Variants in GTF2B observed in about 807,000 individuals in gnomAD.
The protein encoded by GTF2B is transcription initiation factor IIB.
GTF2B carries 20 observed loss-of-function variants against 34.6 expected under a neutral mutation model. The ratio of observed to expected loss-of-function variants is 0.58; its 90% CI spans 0.41 to 0.84. The LOEUF (loss-of-function observed/expected upper bound fraction) is 0.84, where lower values mean the gene tolerates loss of function less well. Among genes scored for constraint, GTF2B ranks in the 40% least tolerant of loss-of-function variants. The pLI, the probability that GTF2B is intolerant of heterozygous loss-of-function variation, is 0.00. For missense variants in GTF2B, 237 were observed against 393.3 expected, an observed-to-expected ratio of 0.60 and a Z score of 3.36; for synonymous variants, 142 against 132.4, an observed-to-expected ratio of 1.07 and a Z score of -0.50.
chr1:88,878,087 A>G (rs1673854458), intron 2 of GTF2B, among the ~76,000 whole-genome samples: 1 of 152,158 alleles, frequency 6.6e-6, no homozygotes, highest in African/African-American at 2.4e-5. Flanking sequence ...TGGGCAACAC[A>G]GCTAAACCTC....
chr1:88,877,298 T>C (rs1314519676), intron 2 of GTF2B, among the ~76,000 whole-genome samples: 1 of 152,232 alleles, frequency 6.6e-6, no homozygotes, highest in Non-Finnish European at 1.5e-5. Flanking sequence ...GTATTTTCCT[T>C]ACGTTGCTTT....
intron 6 of GTF2B, among the ~76,000 whole-genome samples, 180 bp from the exon 7 acceptor site, chr1:88,853,526 C>T (rs772058345): frequency 5.9e-5 from 9 of 152,264 alleles, no homozygotes; most frequent in Middle Eastern, 3.4e-3. Context: ...GGAGCTAGGC[C>T]GGGCGCAGTG....
intron 1 of GTF2B, among the ~76,000 whole-genome samples, chr1:88,890,988 T>C (rs965301551): frequency 1.3e-5 from 2 of 151,958 alleles, no homozygotes; most frequent in Non-Finnish European, 2.9e-5. Context: ...TCCATCTGGC[T>C]TACCAATGCT....
At chr1:88,877,777 CA>C (rs1199854544) in intron 2 of GTF2B, among the ~76,000 whole-genome samples, 1 of 152,060 alleles carries the variant, frequency 6.6e-6, no homozygotes, top group Non-Finnish European at 1.5e-5. Flanking sequence ...ACTAAAAATA[CA>C]AAAATTAGTT....
Position 88,891,545 on chromosome 1 carries a change from C to T in GTF2B, c.-46G>A, listed in dbSNP as rs753208400. On this transcript the variant is annotated 5_prime_UTR_variant, in exon 1 of 7. Coordinates refer to ENST00000370500, the MANE Select transcript of GTF2B (RefSeq NM_001514.6). ...CCGCAACAAGACACAACAGACACACCGAAAGCAGGAAGCGAATGTGGCGAA... is the reference window on the plus strand; with the variant it reads ...CCGCAACAAGACACAACAGACACACTGAAAGCAGGAAGCGAATGTGGCGAA... 5 of 1,571,580 alleles carry T rather than the reference C, an allele frequency of 3.2e-6. No homozygotes were observed. The South Asian group carries it at 3.4e-5, about 11-fold the overall frequency.
rs1673634256 is a variant in GTF2B, at chr1:88,869,323, C to T, written c.125-5209G>A. On this transcript the variant is annotated intron_variant, in intron 2 of 6. Coordinates refer to ENST00000370500, the MANE Select transcript of GTF2B (RefSeq NM_001514.6). Reference sequence around the variant, plus strand: ...CAAGGGAGGTCCTGGAACCAGTCCCCCACAGATACTGAGGGATGGAGTGAG... The same window carrying T: ...CAAGGGAGGTCCTGGAACCAGTCCCTCACAGATACTGAGGGATGGAGTGAG... Among the ~76,000 whole-genome samples the T allele has an allele frequency of 3.9e-5, 6 of 152,090 alleles. No individual in the cohort carries two copies. The South Asian group carries it at 1.2e-3, about 32-fold the overall frequency.
chr1:88,857,391 G>A lies in GTF2B; in HGVS notation c.632C>T (p.Thr211Ile), dbSNP rs1433340792. The change falls in exon 6 of 7, where the codon ACT becomes ATT. Residue 211 changes from threonine to isoleucine, a missense_variant. By Grantham distance (89) the Thr-to-Ile change is moderately conservative. Transcript: ENST00000370500. ...ALETSVDLIT[T>I]GDFMSRFCSN... ...ACAGAACCTGGACATGAAGTCCCCAGTTGTAATCAAATCCACACTGGTTTC... is the reference window on the plus strand; with the variant it reads ...ACAGAACCTGGACATGAAGTCCCCAATTGTAATCAAATCCACACTGGTTTC... 6.2e-7 allele frequency: 1 copy of A among 1,611,726 alleles called. No individual in the cohort carries two copies. Among genetic ancestry groups the A allele is most frequent in the Non-Finnish European group, 8.5e-7 (1 of 1,177,942 alleles).
In GTF2B at chr1:88,852,913, T is replaced by G. The variant is rs934702536; in HGVS notation, c.*300A>C. 2 of 307,694 alleles carry G rather than the reference T, an allele frequency of 6.5e-6. No homozygotes were observed. Among genetic ancestry groups the G allele is most frequent in the Non-Finnish European group, 1.2e-5 (2 of 163,514 alleles). 19.1% of individuals were successfully genotyped at this position (307,694 alleles called of 1,614,324 possible). ...TTGTAATTATGTATCATAAGTTACA[T>G]GTAACATATAACAAAAACTTGAGTT... On this transcript the variant is annotated 3_prime_UTR_variant, in exon 7 of 7. Coordinates refer to ENST00000370500, the MANE Select transcript of GTF2B (RefSeq NM_001514.6).
intron 2 of GTF2B, among the ~76,000 whole-genome samples, chr1:88,878,003 G>C (rs1020312363): frequency 6.6e-6 from 1 of 152,146 alleles, no homozygotes. Flanking sequence ...TTAAGAATTG[G>C]CCCAGGTTGG....
chr1:88,872,047 A>G (rs1210359978), intron 2 of GTF2B, among the ~76,000 whole-genome samples: 1 of 152,184 alleles, frequency 6.6e-6, no homozygotes, highest in Non-Finnish European at 1.5e-5. Context: ...AGATTGTTCT[A>G]TGGCTTCCTT....
At chr1:88,890,833 T>C (rs1349886970) in intron 1 of GTF2B, among the ~76,000 whole-genome samples, 1 of 151,970 alleles carries the variant, frequency 6.6e-6, no homozygotes, top group Non-Finnish European at 1.5e-5. Context: ...CCAGCACATA[T>C]AACTAATTTT....
At chr1:88,891,120 C>CGGGGGGG (rs36020480) in intron 1 of GTF2B, among the ~76,000 whole-genome samples, 2 of 6,484 alleles carry the variant, frequency 3.1e-4, no homozygotes, top group African/African-American at 5.1e-4. Flanking sequence ...AAAAAACAAG[C>CGGGGGGG]GGGGGGGGGG....
intron 2 of GTF2B, among the ~76,000 whole-genome samples, chr1:88,867,090 C>T (rs1673577386): frequency 6.6e-6 from 1 of 152,156 alleles, no homozygotes; most frequent in Non-Finnish European, 1.5e-5. Context: ...AACCACTGTG[C>T]AGTGAGTACT....
At chr1:88,875,840 G>A (rs1380145386) in intron 2 of GTF2B, among the ~76,000 whole-genome samples, 2 of 152,138 alleles carry the variant, frequency 1.3e-5, no homozygotes, top group African/African-American at 2.4e-5. Flanking sequence ...AACCAGCACA[G>A]TGCTTAACTG....
intron 6 of GTF2B, among the ~76,000 whole-genome samples, chr1:88,855,477 C>A (rs909475640): frequency 6.6e-6 from 1 of 151,732 alleles, no homozygotes; most frequent in Non-Finnish European, 1.5e-5. Flanking sequence ...CTTAGCCTCC[C>A]GAGTAGCTGG....
At chr1:88,891,313 G>T (rs562726792) in intron 1 of GTF2B, among the ~76,000 whole-genome samples, 170 bp downstream of exon 1, 1 of 152,200 alleles carries the variant, frequency 6.6e-6, no homozygotes, top group African/African-American at 2.4e-5. Context: ...GCGACACCCT[G>T]ACAGTCCTGC....
intron 2 of GTF2B, among the ~76,000 whole-genome samples, chr1:88,866,516 C>T (rs534030744): frequency 1.3e-5 from 2 of 152,280 alleles, no homozygotes; most frequent in East Asian, 3.9e-4. Context: ...TCAAGCAATA[C>T]TTCCACCTTA....
chr1:88,882,638 C>G (rs1001092864), intron 2 of GTF2B, among the ~76,000 whole-genome samples: 4 of 152,126 alleles, frequency 2.6e-5, no homozygotes, highest in African/African-American at 9.7e-5. Flanking sequence ...AGTTAATGTT[C>G]TCTATCAAAA....
Position 88,890,281 on chromosome 1 carries a change from C to G in GTF2B, c.17+1202G>C, listed in dbSNP as rs77261327. Among the ~76,000 whole-genome samples, 700 of 152,178 alleles carry G rather than the reference C, an allele frequency of 4.6e-3. 3 individuals carry two copies. Among genetic ancestry groups the G allele is most frequent in the African/African-American group, 0.016 (658 of 41,524 alleles). ...ACAACACCCAGATAGAATGACTGAGCATCCAATCCAAGAATCAGAATCAGT... is the reference window on the plus strand; with the variant it reads ...ACAACACCCAGATAGAATGACTGAGGATCCAATCCAAGAATCAGAATCAGT... On this transcript the variant is annotated intron_variant, in intron 1 of 6. Coordinates refer to ENST00000370500, the MANE Select transcript of GTF2B (RefSeq NM_001514.6).
Sources: gnomAD v4.1 joint callset for allele counts (sites outside exome capture counted in the v4.1 genomes callset) on GRCh38, gnomAD v4.1.1 for gene constraint, MANE v1.5 for transcripts, NCBI Gene and HGNC (gene_info 2026-07-23, HGNC 2026-07-21) for gene names.